The following FGF13 variants were observed in gnomAD, a reference collection of about 807,000 sequenced individuals.
FGF13 encodes the protein fibroblast growth factor homologous factor 2.
Under a neutral mutation model 19.5 loss-of-function variants are expected in FGF13, and 2 were observed. The observed-to-expected ratio is 0.10, with a 90% CI of 0.04 to 0.32. FGF13 has a LOEUF of 0.32. Ranked by LOEUF, FGF13 falls within the 10% of genes least tolerant of loss-of-function variation. The probability of loss-of-function intolerance (pLI) is 1.00; values close to 1 mark genes in which losing one functional copy is unlikely to be tolerated. For synonymous variants in FGF13, 72 were observed against 76.9 expected, an observed-to-expected ratio of 0.94 and a Z score of 0.33; for missense variants, 113 against 192.7, an observed-to-expected ratio of 0.59 and a Z score of 2.45.
chrX:138,853,247 G>C (rs1175878958), downstream of FGF13, among the ~76,000 whole-genome samples: 1 of 111,497 alleles, frequency 9.0e-6, no homozygotes, highest in Admixed American at 9.5e-5. Context: ...AGATGAGGAA[G>C]GCACAACAGG....
chrX:139,175,346 T>C (rs769478258), intron 1 of FGF13, among the ~76,000 whole-genome samples: 29 of 112,411 alleles, frequency 2.6e-4, no homozygotes, highest in Non-Finnish European at 4.7e-4. Flanking sequence ...GTCATCTGCA[T>C]ACAGAGACAA....
intron 1 of FGF13, among the ~76,000 whole-genome samples, chrX:138,874,050 T>A (rs2091373423): frequency 9.6e-6 from 1 of 103,782 alleles, no homozygotes; most frequent in Non-Finnish European, 2.0e-5. Flanking sequence ...ATATACCTAA[T>A]GAAAATGATG....
At chrX:138,904,146 G>A (rs748667191) in intron 1 of FGF13, among the ~76,000 whole-genome samples, 1 of 111,956 alleles carries the variant, frequency 8.9e-6, no homozygotes, top group African/African-American at 3.2e-5. Context: ...TAATGTCAAA[G>A]TAAAATATGT....
At chrX:139,082,234 C>T (rs1330702513) in intron 1 of FGF13, among the ~76,000 whole-genome samples, 2 of 111,131 alleles carry the variant, frequency 1.8e-5, no homozygotes, top group Non-Finnish European at 3.8e-5. Flanking sequence ...CTCAGATATC[C>T]GCATGGCTGG....
At chrX:139,044,443 G>A (rs2092280159) in intron 1 of FGF13, among the ~76,000 whole-genome samples, 1 of 111,369 alleles carries the variant, frequency 9.0e-6, no homozygotes, top group Non-Finnish European at 1.9e-5. Context: ...GACAGCACCA[G>A]TCCATGAGAC....
At position 139,026,249 on chromosome X, in the gene FGF13, C is replaced by T. The variant is rs149134281; in HGVS notation, c.-112-161599G>A. Among the ~76,000 whole-genome samples, 1,043 of 110,345 alleles carry T rather than the reference C, an allele frequency of 9.5e-3. 10 individuals carry two copies. The highest frequency in any genetic ancestry group is 0.032 in the African/African-American group (961 of 30,351). On this transcript the variant is annotated intron_variant, in intron 1 of 2. Transcript: ENST00000421460. ...TGTGATACAATTTTATTTTTTTTAA[C>T]GTTAACATATTTCTCCTTGAATTCA...
chrX:138,666,652 A>G (rs979199287), intron 3 of FGF13, among the ~76,000 whole-genome samples: 10 of 111,625 alleles, frequency 9.0e-5, no homozygotes, highest in Admixed American at 2.9e-4. Context: ...CTATCTCACA[A>G]GGTGTAGCAG....
intron 3 of FGF13, among the ~76,000 whole-genome samples, chrX:138,754,927 G>C: frequency 9.0e-6 from 1 of 111,307 alleles, no homozygotes; most frequent in Non-Finnish European, 1.9e-5. Flanking sequence ...CGGACTCTTG[G>C]AAGTCTGTGT....
At chrX:139,033,866 G>A (rs753544087) in intron 1 of FGF13, among the ~76,000 whole-genome samples, 1 of 111,549 alleles carries the variant, frequency 9.0e-6, no homozygotes, top group African/African-American at 3.3e-5. Context: ...GTGAAAATCA[G>A]TTTGGGATGA....
At chrX:138,826,390 C>T (rs756480766) in intron 3 of FGF13, among the ~76,000 whole-genome samples, 1 of 112,130 alleles carries the variant, frequency 8.9e-6, no homozygotes, top group African/African-American at 3.2e-5. Context: ...TAACTCATTT[C>T]CATAAAAGTC....
At chrX:138,699,136 G>C (rs945836837) in intron 3 of FGF13, among the ~76,000 whole-genome samples, 1 of 111,096 alleles carries the variant, frequency 9.0e-6, no homozygotes, top group African/African-American at 3.3e-5. Flanking sequence ...CAGATCATCT[G>C]GTAGAAAATT....
chrX:139,069,281 C>T (rs1475971497), intron 1 of FGF13, among the ~76,000 whole-genome samples: 5 of 66,275 alleles, frequency 7.5e-5, no homozygotes, highest in South Asian at 9.9e-4. Flanking sequence ...TACTATGCAG[C>T]CATAAAAAAT....
At chrX:138,963,470 C>T (rs1386208780) in intron 1 of FGF13, among the ~76,000 whole-genome samples, 1 of 112,538 alleles carries the variant, frequency 8.9e-6, no homozygotes. Flanking sequence ...CCCACCTTGC[C>T]ACAGCAACAC....
upstream of FGF13, chrX:138,711,801 A>G (rs867420630): frequency 1.9e-4 from 39 of 200,645 alleles, 1 homozygote; most frequent in Admixed American, 5.9e-4. Context: ...CGCCCCTCCC[A>G]CCCCCACCCC....
intron 1 of FGF13, among the ~76,000 whole-genome samples, chrX:139,163,037 A>G (rs182175515): frequency 2.4e-4 from 27 of 112,223 alleles, no homozygotes; most frequent in African/African-American, 8.1e-4. Flanking sequence ...CAATCCCATT[A>G]CTGGGTATAT....
At chrX:139,023,426 G>A (rs2092186184) in intron 1 of FGF13, among the ~76,000 whole-genome samples, 1 of 110,530 alleles carries the variant, frequency 9.0e-6, no homozygotes, top group Admixed American at 9.7e-5. Flanking sequence ...AGTGTAAATT[G>A]TAGCAAAAAA....
intron 1 of FGF13, among the ~76,000 whole-genome samples, chrX:139,197,490 T>A (rs2084381079): frequency 8.9e-6 from 1 of 112,245 alleles, no homozygotes; most frequent in Non-Finnish European, 1.9e-5. Context: ...CTTTCCCAGG[T>A]CATTCAACAA....
intron 1 of FGF13, among the ~76,000 whole-genome samples, chrX:139,171,659 G>A (rs1057460479): frequency 8.9e-6 from 1 of 112,211 alleles, no homozygotes; most frequent in African/African-American, 3.2e-5. Context: ...TTCTAAATTG[G>A]ATGCTTTTTC....
intron 3 of FGF13, among the ~76,000 whole-genome samples, chrX:138,688,917 G>A (rs2089811967): frequency 8.9e-6 from 1 of 111,909 alleles, no homozygotes; most frequent in South Asian, 3.7e-4. Flanking sequence ...TAGCACAGAT[G>A]GAGAGAAAAT....
Sources: allele counts gnomAD v4.1 joint callset (sites outside exome capture counted in the v4.1 genomes callset), GRCh38; gene constraint gnomAD v4.1.1; transcripts MANE v1.5; gene names NCBI Gene and HGNC (gene_info 2026-07-23, HGNC 2026-07-21).